B3GALT1: variants seen among roughly 807,000 people sequenced by gnomAD.
B3GALT1 encodes the protein UDP-Gal:betaGlcNAc beta 1,3-galactosyltransferase, polypeptide 1.
Under a neutral mutation model 23.2 loss-of-function variants are expected in B3GALT1, and 10 were observed. That is an observed-to-expected ratio of 0.43 (90% CI 0.27 to 0.73). The LOEUF is 0.73. Ranked by LOEUF, B3GALT1 falls within the 30% of genes least tolerant of loss-of-function variation. The pLI is 0.21. For missense variants in B3GALT1, 299 were observed against 405.4 expected (o/e 0.74, Z 2.25); for synonymous variants, 156 against 141.5 (o/e 1.10, Z -0.73).
intron 1 of B3GALT1, among the ~76,000 whole-genome samples, chr2:167,327,398 T>C (rs190449900): frequency 6.6e-6 from 1 of 152,266 alleles, no homozygotes; most frequent in African/African-American, 2.4e-5. Flanking sequence ...TAGGATGTCT[T>C]TCCATTTGTG....
chr2:167,865,606 A>T (rs1278747638), intron 4 of B3GALT1, among the ~76,000 whole-genome samples: 1 of 152,040 alleles, frequency 6.6e-6, no homozygotes, highest in East Asian at 1.9e-4. Context: ...CCTGGCTAAC[A>T]CCGTGAAACC....
At chr2:167,632,940 T>C (rs774353405) in intron 2 of B3GALT1, among the ~76,000 whole-genome samples, 69 of 152,094 alleles carry the variant, frequency 4.5e-4, no homozygotes, top group Non-Finnish European at 5.6e-4. Flanking sequence ...GGCTTACATT[T>C]AAGTCTTTAA....
At chr2:167,609,183 G>C (rs1458607140) in intron 2 of B3GALT1, among the ~76,000 whole-genome samples, 2 of 152,158 alleles carry the variant, frequency 1.3e-5, no homozygotes, top group Admixed American at 1.3e-4. Context: ...AATAATTTTA[G>C]ATATTTAAGC....
At chr2:167,553,051 A>G (rs1262965079) in intron 2 of B3GALT1, among the ~76,000 whole-genome samples, 2 of 152,334 alleles carry the variant, frequency 1.3e-5, no homozygotes, top group African/African-American at 2.4e-5. Context: ...TCAAAATGTC[A>G]TCAAATATTT....
intron 1 of B3GALT1, among the ~76,000 whole-genome samples, chr2:167,429,120 A>C (rs1483588450): frequency 6.6e-6 from 1 of 151,850 alleles, no homozygotes; most frequent in Non-Finnish European, 1.5e-5. Context: ...TCTACTAAAA[A>C]TACAAAAAAA....
At chr2:167,503,917 T>C (rs1046482021) in intron 2 of B3GALT1, among the ~76,000 whole-genome samples, 3 of 152,198 alleles carry the variant, frequency 2.0e-5, no homozygotes, top group Admixed American at 6.5e-5. Context: ...TATTTTCTTA[T>C]ATTCTAGGTG....
At chr2:167,667,622 C>T (rs1686228357) in intron 3 of B3GALT1, among the ~76,000 whole-genome samples, 1 of 152,126 alleles carries the variant, frequency 6.6e-6, no homozygotes, top group South Asian at 2.1e-4. Flanking sequence ...TCACATAGTC[C>T]CATATTTCTT....
chr2:167,570,372 T>C (rs556761974), intron 2 of B3GALT1, among the ~76,000 whole-genome samples: 14 of 151,976 alleles, frequency 9.2e-5, no homozygotes, highest in Middle Eastern at 3.4e-3. Context: ...CTTGTGTGAG[T>C]TTCGGCAGAT....
intron 3 of B3GALT1, among the ~76,000 whole-genome samples, chr2:167,681,559 A>G (rs1398537969): frequency 1.3e-5 from 2 of 152,198 alleles, no homozygotes; most frequent in Non-Finnish European, 2.9e-5. Flanking sequence ...TTTCCAGTGT[A>G]AAAATATAGC....
chr2:167,373,659 T>C (rs1697718963), intron 1 of B3GALT1, among the ~76,000 whole-genome samples: 2 of 152,274 alleles, frequency 1.3e-5, no homozygotes, highest in South Asian at 2.1e-4. Context: ...CATTTAGATA[T>C]TGACTAAATG....
At chr2:167,624,613 A>G (rs1001262472) in intron 2 of B3GALT1, among the ~76,000 whole-genome samples, 4 of 152,096 alleles carry the variant, frequency 2.6e-5, no homozygotes, top group Non-Finnish European at 5.9e-5. Context: ...ATTTTACTAC[A>G]GTCTAACTCC....
At chr2:167,839,869 A>G (rs1390468475) in intron 4 of B3GALT1, among the ~76,000 whole-genome samples, 1 of 152,174 alleles carries the variant, frequency 6.6e-6, no homozygotes, top group Non-Finnish European at 1.5e-5. Context: ...CTCAGAAATA[A>G]CGCCGCATAT....
chr2:167,308,581 A>T (rs1177790508), intron 1 of B3GALT1, among the ~76,000 whole-genome samples: 1 of 152,040 alleles, frequency 6.6e-6, no homozygotes, highest in Non-Finnish European at 1.5e-5. Flanking sequence ...TTGAAAAATG[A>T]AATGAAGAGA....
intron 1 of B3GALT1, among the ~76,000 whole-genome samples, chr2:167,472,892 T>C (rs1478599418): frequency 6.6e-6 from 1 of 152,128 alleles, no homozygotes; most frequent in East Asian, 1.9e-4. Flanking sequence ...ATCATATACA[T>C]GTGGGAGAAG....
At chr2:167,553,545 C>CCAGTCT (rs914492728) in intron 2 of B3GALT1, among the ~76,000 whole-genome samples, 5 of 152,102 alleles carry the variant, frequency 3.3e-5, no homozygotes, top group African/African-American at 1.2e-4. Context: ...TGGCTGCATC[C>CCAGTCT]CAGTCTCAGT....
At position 167,746,747 on chromosome 2, in the gene B3GALT1, G is replaced by A. The variant is rs143625457; in HGVS notation, c.-351-71925G>A. ...AAATACAGAGCTGCCATTATGAAAT[G>A]TGTTTTTAAAGCTCAACATATTATG... On this transcript the variant is annotated intron_variant, in intron 3 of 4. Transcript: ENST00000392690. 4.5e-4 allele frequency among the ~76,000 whole-genome samples: 69 copies of A among 152,242 alleles called. 1 individual carries two copies. The East Asian group carries it at 0.012, about 27-fold the overall frequency.
intron 3 of B3GALT1, among the ~76,000 whole-genome samples, chr2:167,767,204 T>C (rs1022769565): frequency 6.6e-6 from 1 of 152,232 alleles, no homozygotes; most frequent in Non-Finnish European, 1.5e-5. Context: ...ATTGAGGTGT[T>C]GGCTATTGTT....
intron 1 of B3GALT1, among the ~76,000 whole-genome samples, chr2:167,361,063 A>T (rs1297215742): frequency 6.6e-6 from 1 of 152,222 alleles, no homozygotes; most frequent in Non-Finnish European, 1.5e-5. Flanking sequence ...TGGCTCAATA[A>T]TATTCCATTA....
intron 3 of B3GALT1, among the ~76,000 whole-genome samples, chr2:167,738,687 A>C (rs1687529100): frequency 6.6e-6 from 1 of 152,204 alleles, no homozygotes; most frequent in Non-Finnish European, 1.5e-5. Flanking sequence ...AAAACTGAAA[A>C]GAGAGATTTC....
Sources: gnomAD v4.1 joint callset for allele counts (sites outside exome capture counted in the v4.1 genomes callset) on GRCh38, gnomAD v4.1.1 for gene constraint, MANE v1.5 for transcripts, NCBI Gene and HGNC (gene_info 2026-07-23, HGNC 2026-07-21) for gene names.